Variants in EDIL3 observed in about 807,000 individuals in gnomAD.
EDIL3 encodes EGF like and discoidin domains 3.
Under a neutral mutation model 67.4 loss-of-function variants are expected in EDIL3, and 37 were observed. The observed-to-expected ratio is 0.55, with a 90% CI of 0.42 to 0.72. The LOEUF is 0.72. EDIL3 is among the 30% of genes least tolerant of loss of function. EDIL3 has a pLI of 0.00. For missense variants in EDIL3, 527 were observed against 586.3 expected, an observed-to-expected ratio of 0.90 and a Z score of 1.04; for synonymous variants, 195 against 196.3, an observed-to-expected ratio of 0.99 and a Z score of 0.05.
intron 1 of EDIL3, among the ~76,000 whole-genome samples, chr5:84,278,896 G>T (rs963253877): frequency 4.6e-5 from 7 of 152,050 alleles, no homozygotes; most frequent in African/African-American, 1.7e-4. Flanking sequence ...ATCACACAAA[G>T]GAGAGTGTGG....
chr5:84,254,735 G>T (rs1007549481), intron 1 of EDIL3, among the ~76,000 whole-genome samples: 4 of 152,192 alleles, frequency 2.6e-5, no homozygotes, highest in Non-Finnish European at 4.4e-5. Flanking sequence ...CTCTTGGAGT[G>T]CTGAGATCGT....
At chr5:84,053,301 TC>T (rs1423749022) in intron 9 of EDIL3, among the ~76,000 whole-genome samples, 1 of 152,110 alleles carries the variant, frequency 6.6e-6, no homozygotes, top group Admixed American at 6.6e-5. Flanking sequence ...TGGGACACAT[TC>T]AAAGCAGTGG....
At chr5:83,991,186 A>T (rs1243229681) in intron 9 of EDIL3, among the ~76,000 whole-genome samples, 1 of 152,088 alleles carries the variant, frequency 6.6e-6, no homozygotes. Flanking sequence ...TCATTTTCAC[A>T]GCTTTGTTTA....
In EDIL3 at chr5:84,182,117, A is replaced by C. The variant is rs115786961; in HGVS notation, c.227-1596T>G. ...TGCTATAGAGAATGACTCCTCCTGCATGGGTCAAAGCCACTAATAAAAACA... is the reference window on the plus strand; with the variant it reads ...TGCTATAGAGAATGACTCCTCCTGCCTGGGTCAAAGCCACTAATAAAAACA... On this transcript the variant is annotated intron_variant, in intron 3 of 10. Transcript: ENST00000296591. Among the ~76,000 whole-genome samples, 305 of 152,158 alleles carry C rather than the reference A, an allele frequency of 2.0e-3. 1 individual carries two copies. The highest frequency in any genetic ancestry group is 7.2e-3 in the African/African-American group (298 of 41,516).
Position 84,081,375 on chromosome 5 carries a change from G to A in EDIL3, c.652-14769C>T, listed in dbSNP as rs113419744. 1.4e-3 allele frequency among the ~76,000 whole-genome samples: 216 copies of A among 152,162 alleles called. 1 individual carries two copies. Among genetic ancestry groups the A allele is most frequent in the African/African-American group, 4.9e-3 (202 of 41,504 alleles). On this transcript the variant is annotated intron_variant, in intron 6 of 10. Transcript: ENST00000296591. The stretch of plus-strand genomic sequence containing the variant: ...AAATTGTAAATATTAAGGTAGTCTC[G>A]AACTCTTGTAAATAAAGATAAAGTT...
chr5:84,113,861 A>G (rs773863173), intron 5 of EDIL3, among the ~76,000 whole-genome samples: 3 of 152,192 alleles, frequency 2.0e-5, no homozygotes, highest in African/African-American at 4.8e-5. Flanking sequence ...CCTTTCTCCG[A>G]GCATCTCATC....
intron 3 of EDIL3, among the ~76,000 whole-genome samples, chr5:84,222,421 G>A (rs1178317756): frequency 6.6e-6 from 1 of 151,760 alleles, no homozygotes; most frequent in Admixed American, 6.6e-5. Context: ...TGAATGTATG[G>A]ATGCATTGGT....
At chr5:83,987,506 A>C (rs1209631551) in intron 9 of EDIL3, among the ~76,000 whole-genome samples, 1 of 152,092 alleles carries the variant, frequency 6.6e-6, no homozygotes, top group Non-Finnish European at 1.5e-5. Flanking sequence ...CCAATTTTTC[A>C]CCAGCAGGAG....
chr5:84,113,669 C>T (rs1035659970), intron 5 of EDIL3, among the ~76,000 whole-genome samples: 5 of 152,128 alleles, frequency 3.3e-5, no homozygotes, highest in Admixed American at 2.6e-4. Context: ...CAAGATGTCT[C>T]GCATCTTGTT....
At position 84,356,888 on chromosome 5, in the gene EDIL3, TC is replaced by T. The variant is rs1276795837; in HGVS notation, c.67+27419del. ...GGACCTTGAGAAAACAATCTTTCTT[TC>T]TTTTTTTTTTTTTTTTTTTTTTTTT... On this transcript the variant is annotated intron_variant, in intron 1 of 10. Transcript: ENST00000296591. Among the ~76,000 whole-genome samples, 80 of 140,494 alleles carry T rather than the reference TC, an allele frequency of 5.7e-4. 1 individual carries two copies. Among genetic ancestry groups the T allele is most frequent in the African/African-American group, 2.2e-3 (79 of 36,280 alleles). The allele number at this position is 140,494 out of a possible 152,430, so 92.2% of individuals were successfully genotyped here.
chr5:83,959,561 C>T (rs1163683702), intron 10 of EDIL3, among the ~76,000 whole-genome samples: 1 of 149,986 alleles, frequency 6.7e-6, no homozygotes, highest in Non-Finnish European at 1.5e-5. Flanking sequence ...TGCCCTGAAA[C>T]ATTCAATTCA....
At chr5:84,141,502 A>T (rs1748187949) in intron 4 of EDIL3, among the ~76,000 whole-genome samples, 1 of 147,170 alleles carries the variant, frequency 6.8e-6, no homozygotes, top group Non-Finnish European at 1.5e-5. Flanking sequence ...TATATATTAT[A>T]TATAATATAT....
chr5:84,088,185 C>T (rs1747104729), intron 6 of EDIL3, among the ~76,000 whole-genome samples: 1 of 152,200 alleles, frequency 6.6e-6, no homozygotes, highest in South Asian at 2.1e-4. Flanking sequence ...TAGCTCTCTA[C>T]AAATAGTAGC....
At chr5:84,284,324 C>T (rs1745765951) in intron 1 of EDIL3, among the ~76,000 whole-genome samples, 1 of 152,162 alleles carries the variant, frequency 6.6e-6, no homozygotes, top group Non-Finnish European at 1.5e-5. Context: ...CAGTTGTCTT[C>T]TTTGGCACTC....
intron 10 of EDIL3, among the ~76,000 whole-genome samples, chr5:83,950,083 G>A (rs922201313): frequency 1.3e-5 from 2 of 151,786 alleles, no homozygotes; most frequent in Non-Finnish European, 1.5e-5. Flanking sequence ...TTACTGTCAC[G>A]TAACATTGCT....
chr5:84,311,316 TTTTTTTTC>T (rs1428337870), intron 1 of EDIL3, among the ~76,000 whole-genome samples: 3 of 147,054 alleles, frequency 2.0e-5, no homozygotes, highest in Middle Eastern at 3.4e-3. Flanking sequence ...TATTTTCTTT[TTTTTTTTC>T]TTTTTTTTTT....
chr5:84,214,061 G>A (rs1561223436), intron 3 of EDIL3, among the ~76,000 whole-genome samples: 1 of 152,062 alleles, frequency 6.6e-6, no homozygotes, highest in Non-Finnish European at 1.5e-5. Flanking sequence ...CCCATACCCA[G>A]CATTAGATGA....
At chr5:84,361,829 A>C (rs1691570126) in intron 1 of EDIL3, among the ~76,000 whole-genome samples, 2 of 152,024 alleles carry the variant, frequency 1.3e-5, no homozygotes, top group African/African-American at 4.8e-5. Context: ...GTTTTAAAAC[A>C]AAGTAATGTA....
Position 84,262,674 on chromosome 5 carries a change from T to TA in EDIL3, c.68-8463_68-8462insT, listed in dbSNP as rs1561238719. Among the ~76,000 whole-genome samples the TA allele has an allele frequency of 1.4e-3, 164 of 116,916 alleles. 8 individuals carry two copies. The highest frequency in any genetic ancestry group is 0.013 in the Admixed American group (141 of 10,518). 76.7% of individuals were successfully genotyped at this position (116,916 alleles called of 152,430 possible). ...AGGTTGGTTGGTTTTTTTTTTTTTT[T>TA]TTTTTTTTTTTTTTTGAGATGAAGT... On this transcript the variant is annotated intron_variant, in intron 1 of 10. Coordinates refer to ENST00000296591, the MANE Select transcript of EDIL3 (RefSeq NM_005711.5).
Sources: gnomAD v4.1 joint callset for allele counts (sites outside exome capture counted in the v4.1 genomes callset) on GRCh38, gnomAD v4.1.1 for gene constraint, MANE v1.5 for transcripts, NCBI Gene and HGNC (gene_info 2026-07-23, HGNC 2026-07-21) for gene names.